GALNTL6: variants seen among roughly 807,000 people sequenced by gnomAD.
GALNTL6 encodes the protein polypeptide N-acetylgalactosaminyltransferase like 6.
GALNTL6 carries 46 observed loss-of-function variants against 73.7 expected under a neutral mutation model. That is an observed-to-expected ratio of 0.62 (90% CI 0.49 to 0.80). The LOEUF is 0.80. Among genes scored for constraint, GALNTL6 ranks in the 30% least tolerant of loss-of-function variants. The pLI is 0.00. For missense variants in GALNTL6, 604 were observed against 755.0 expected (o/e 0.80, Z 2.34); for synonymous variants, 259 against 263.7 (o/e 0.98, Z 0.17).
At chr4:172,692,784 A>C (rs923339052) in intron 5 of GALNTL6, among the ~76,000 whole-genome samples, 1 of 152,316 alleles carries the variant, frequency 6.6e-6, no homozygotes, top group East Asian at 1.9e-4. Flanking sequence ...CTGTGGTGGA[A>C]GTTAGGATTG....
intron 2 of GALNTL6, among the ~76,000 whole-genome samples, chr4:171,917,381 T>C (rs1737661626): frequency 6.6e-6 from 1 of 152,056 alleles, no homozygotes; most frequent in Admixed American, 6.6e-5. Flanking sequence ...CTTTCAGATA[T>C]AGCTAAGGCT....
At chr4:172,549,877 C>T (rs922859645) in intron 5 of GALNTL6, among the ~76,000 whole-genome samples, 22 of 152,112 alleles carry the variant, frequency 1.4e-4, no homozygotes, top group African/African-American at 4.6e-4. Context: ...CCAGCCTTTC[C>T]GTTTATAAAT....
chr4:172,417,886 G>A (rs569669490), intron 5 of GALNTL6, among the ~76,000 whole-genome samples: 1 of 152,228 alleles, frequency 6.6e-6, no homozygotes, highest in Non-Finnish European at 1.5e-5. Context: ...AAGTTTCTCA[G>A]CACTGCTGCA....
chr4:171,885,404 G>A (rs922492897), intron 2 of GALNTL6, among the ~76,000 whole-genome samples: 3 of 152,126 alleles, frequency 2.0e-5, no homozygotes, highest in South Asian at 2.1e-4. Flanking sequence ...TGATATTTAT[G>A]TTTATACAAA....
At chr4:171,866,683 G>A (rs1013599853) in intron 2 of GALNTL6, among the ~76,000 whole-genome samples, 1 of 152,156 alleles carries the variant, frequency 6.6e-6, no homozygotes, top group African/African-American at 2.4e-5. Flanking sequence ...TCTGGATCAG[G>A]GTGCCAGCGG....
chr4:171,960,080 A>C (rs1422090569), intron 2 of GALNTL6, among the ~76,000 whole-genome samples: 2 of 152,204 alleles, frequency 1.3e-5, no homozygotes, highest in East Asian at 3.9e-4. Context: ...CTGTGTATGC[A>C]AAGGGAAACT....
chr4:172,540,293 G>C (rs1246023933), intron 5 of GALNTL6, among the ~76,000 whole-genome samples: 1 of 151,864 alleles, frequency 6.6e-6, no homozygotes, highest in Admixed American at 6.6e-5. Flanking sequence ...GCCCACCTGG[G>C]CCTCCCAGAG....
intron 2 of GALNTL6, among the ~76,000 whole-genome samples, chr4:172,089,022 G>A (rs1340456750): frequency 6.6e-6 from 1 of 152,144 alleles, no homozygotes; most frequent in African/African-American, 2.4e-5. Context: ...AAAGAACATA[G>A]ATTACACTGA....
At chr4:172,743,786 G>T (rs868594168) in intron 5 of GALNTL6, among the ~76,000 whole-genome samples, 1 of 152,032 alleles carries the variant, frequency 6.6e-6, no homozygotes, top group Non-Finnish European at 1.5e-5. Context: ...AAAAGTATTT[G>T]CCAGATAAAT....
chr4:171,925,436 A>G (rs926582774), intron 2 of GALNTL6, among the ~76,000 whole-genome samples: 1 of 152,148 alleles, frequency 6.6e-6, no homozygotes, highest in African/African-American at 2.4e-5. Context: ...AGAGTGGAAA[A>G]CCTCAGGGAA....
intron 2 of GALNTL6, among the ~76,000 whole-genome samples, chr4:171,896,123 C>T (rs1905931): frequency 0.036 from 5,535 of 152,086 alleles, 313 homozygotes; most frequent in African/African-American, 0.12. Context: ...ATATTTAAAA[C>T]GTAATGGTTG....
At chr4:171,832,544 C>T (rs1735006362) in intron 2 of GALNTL6, among the ~76,000 whole-genome samples, 1 of 150,774 alleles carries the variant, frequency 6.6e-6, no homozygotes, top group Non-Finnish European at 1.5e-5. Flanking sequence ...ATAATTTGTT[C>T]CATTGTCAAG....
intron 5 of GALNTL6, among the ~76,000 whole-genome samples, chr4:172,528,989 G>GTATATA (rs772954347): frequency 1.4e-4 from 7 of 51,762 alleles, no homozygotes; most frequent in East Asian, 1.0e-3. Context: ...ATACATATGT[G>GTATATA]TGTATATATA....
chr4:171,938,103 CTT>C (rs1225292283), intron 2 of GALNTL6, among the ~76,000 whole-genome samples: 1 of 151,770 alleles, frequency 6.6e-6, no homozygotes, highest in South Asian at 2.1e-4. Context: ...TGGATTTTTT[CTT>C]TTTTTTAAGT....
intron 2 of GALNTL6, among the ~76,000 whole-genome samples, chr4:171,964,214 T>C (rs192254781): frequency 6.6e-6 from 1 of 152,152 alleles, no homozygotes. Flanking sequence ...CTATGTTTTC[T>C]GCTGGTATCA....
At chr4:172,379,258 C>T (rs754279845) in intron 5 of GALNTL6, among the ~76,000 whole-genome samples, 9 of 152,178 alleles carry the variant, frequency 5.9e-5, no homozygotes, top group Non-Finnish European at 1.2e-4. Flanking sequence ...AGGCCGGGCG[C>T]GGTGGCTCAC....
At position 172,525,309 on chromosome 4, in the gene GALNTL6, T is replaced by C. The variant is rs1353227978; in HGVS notation, c.553+176620T>C. On this transcript the variant is annotated intron_variant, in intron 5 of 12. Transcript: ENST00000506823. ...TTCACAAAACCTGTTTGGGGAGAAT[T>C]GACATCTTTGCAACATTGAACCTTC... Among the ~76,000 whole-genome samples, 5 of 152,326 alleles carry C rather than the reference T, an allele frequency of 3.3e-5. No individual in the cohort carries two copies. In the East Asian group the frequency reaches 9.6e-4, roughly 29 times the overall value.
chr4:173,009,483 T>G (rs1752449626), intron 11 of GALNTL6, among the ~76,000 whole-genome samples, 189 bp downstream of exon 11: 1 of 152,210 alleles, frequency 6.6e-6, no homozygotes, highest in African/African-American at 2.4e-5. Context: ...ATGTTTCTTC[T>G]CAGAGCAGTT....
At chr4:172,527,590 A>G (rs1735005219) in intron 5 of GALNTL6, among the ~76,000 whole-genome samples, 1 of 152,172 alleles carries the variant, frequency 6.6e-6, no homozygotes, top group South Asian at 2.1e-4. Flanking sequence ...CCAACACATT[A>G]TACCACTTTG....
Sources: gnomAD v4.1 joint callset for allele counts (sites outside exome capture counted in the v4.1 genomes callset) on GRCh38, gnomAD v4.1.1 for gene constraint, MANE v1.5 for transcripts, NCBI Gene and HGNC (gene_info 2026-07-23, HGNC 2026-07-21) for gene names.